LYST: variants seen among roughly 807,000 people sequenced by gnomAD.
LYST encodes lysosomal trafficking regulator.
A neutral mutation model predicts 413.6 loss-of-function variants in LYST; 192 were observed. The ratio of observed to expected loss-of-function variants is 0.46; its 90% CI spans 0.41 to 0.52. The LOEUF (loss-of-function observed/expected upper bound fraction) is 0.52. Among genes scored for constraint, LYST ranks in the 20% least tolerant of loss-of-function variants. The probability of loss-of-function intolerance (pLI) is 0.00; values close to 1 mark genes in which losing one functional copy is unlikely to be tolerated. For synonymous variants in LYST, 1,525 were observed against 1,567.3 expected (o/e 0.97, Z 0.64); for missense variants, 3,815 against 4,499.9 (o/e 0.85, Z 4.35).
chr1:235,738,829 T>C (rs750498413), intron 31 of LYST: 10 of 784,168 alleles, frequency 1.3e-5, no homozygotes, highest in African/African-American at 5.1e-5. Context: ...TCCACCATGA[T>C]TGGTGGAATA....
chr1:235,810,140 C>CT lies in LYST; in HGVS notation c.677dup (p.Ile227AspfsTer10). On this transcript the variant is annotated frameshift_variant, in exon 5 of 53. Coordinates refer to ENST00000389793, the MANE Select transcript of LYST (RefSeq NM_000081.4). LOFTEE classifies it high-confidence loss of function. Reference sequence around the variant, plus strand: ...TGTTTGACCCCTGTCTTGGAATAATCTCTCTGGAATTTTCCAAAGCCATAG... The same window carrying CT: ...TGTTTGACCCCTGTCTTGGAATAATCTTCTCTGGAATTTTCCAAAGCCATAG... 2 of 1,614,190 alleles carry CT rather than the reference C, an allele frequency of 1.2e-6. No individual in the cohort carries two copies. Among genetic ancestry groups the CT allele is most frequent in the Non-Finnish European group, 1.7e-6 (2 of 1,180,024 alleles).
Position 235,746,511 on chromosome 1 carries a change from G to C in LYST, c.7797C>G (p.Pro2599=). 2 of 1,613,238 alleles carry C rather than the reference G, an allele frequency of 1.2e-6. No individual in the cohort carries two copies. Among genetic ancestry groups the C allele is most frequent in the Middle Eastern group, 1.7e-4 (1 of 6,058 alleles). ...TCAGAAGCGATTCAGTTTGAGCAAGGGGAAATTTTCGAGGACCTTTAAAAG... is the reference window on the plus strand; with the variant it reads ...TCAGAAGCGATTCAGTTTGAGCAAGCGGAAATTTTCGAGGACCTTTAAAAG... The part of the protein sequence containing the change: ...RKSIAGPRKF[P]LAQTESLLMK... The change falls in exon 29 of 53, where the codon CCC becomes CCG. Residue 2599 remains proline (P), a synonymous_variant. Transcript: ENST00000389793.
At chr1:235,764,495 C>CTTTTTTTTTTTTTTTTTTTTTTTT (rs1020736833) in intron 21 of LYST, among the ~76,000 whole-genome samples, 7 of 97,946 alleles carry the variant, frequency 7.1e-5, no homozygotes, top group Admixed American at 1.0e-4. Context: ...TTTTTCTTTT[C>CTTTTTTTTTTTTTTTTTTTTTTTT]TTTTTTTTTT....
chr1:235,810,187 T>C lies in LYST; in HGVS notation c.631A>G (p.Lys211Glu), dbSNP rs1178893236. 6.2e-7 allele frequency: 1 copy of C among 1,614,022 alleles called. No homozygotes were observed. The highest frequency in any genetic ancestry group is 8.5e-7 in the Non-Finnish European group (1 of 1,179,992). ...PKAKLDRLAT[K>E]EQTPPDAMAL... ...ATAGCATCTGGAGGAGTCTGTTCTT[T>C]GGTTGCTAAGCGGTCAAGTTTAGCT... Residue 211 changes from lysine (K) to glutamate (E), a missense_variant, in exon 5 of 53, where the codon AAA (lysine) becomes GAA (glutamate). Coordinates refer to ENST00000389793, the MANE Select transcript of LYST (RefSeq NM_000081.4).
intron 1 of LYST, among the ~76,000 whole-genome samples, chr1:235,845,339 TC>T (rs1161149064): frequency 2.0e-5 from 3 of 152,018 alleles, no homozygotes; most frequent in African/African-American, 7.3e-5. Flanking sequence ...CCCTGGGAGC[TC>T]CCTGGGTCCT....
chr1:235,761,696 G>A (rs1053188967), intron 22 of LYST, among the ~76,000 whole-genome samples: 12 of 151,718 alleles, frequency 7.9e-5, no homozygotes, highest in Non-Finnish European at 1.2e-4. Flanking sequence ...AGTAACTGCT[G>A]AAGTTATTGG....
In LYST at chr1:235,854,433, T is replaced by A. The variant is rs1678926238; in HGVS notation, c.-98+12410A>T. The stretch of plus-strand genomic sequence containing the variant: ...CTCCAATAAGCCAGCTCTTCCTTCT[T>A]CATTCCTCTTTCAGTAAATGGCCTC... On this transcript the variant is annotated intron_variant, in intron 1 of 52. Transcript: ENST00000389793. The surrounding 1 kb of genome is among the most constrained non-coding windows in gnomAD (Gnocchi z 4.1). 1.3e-5 allele frequency among the ~76,000 whole-genome samples: 2 copies of A among 152,186 alleles called. No individual in the cohort carries two copies. The highest frequency in any genetic ancestry group is 2.9e-5 in the Non-Finnish European group (2 of 68,036).
intron 1 of LYST, among the ~76,000 whole-genome samples, chr1:235,862,806 A>AACAAAC (rs1249225236): frequency 4.9e-5 from 6 of 121,424 alleles, no homozygotes; most frequent in Admixed American, 2.4e-4. Flanking sequence ...AAAACAAACA[A>AACAAAC]ACACACACAC....
chr1:235,799,188 T>C (rs967424159), intron 10 of LYST, among the ~76,000 whole-genome samples: 6 of 152,086 alleles, frequency 3.9e-5, no homozygotes, highest in African/African-American at 7.2e-5. Flanking sequence ...AGTTAATAAA[T>C]GAAGGAATGA....
At chr1:235,749,422 TGA>T (rs1203438969) in intron 28 of LYST, among the ~76,000 whole-genome samples, 27 of 151,916 alleles carry the variant, frequency 1.8e-4, no homozygotes, top group Admixed American at 1.8e-3. Context: ...GAAGGATTCT[TGA>T]GAGAGACTTC....
At position 235,733,619 on chromosome 1, in the gene LYST, A is replaced by T; in HGVS notation, c.8685T>A (p.Ser2895=). The change falls in exon 34 of 53, where the codon TCT becomes TCA. Residue 2895 remains serine (S), a synonymous_variant. Transcript: ENST00000389793. ...TTTTTCTCTCATTTCCTTGGGAGAG[A>T]GACACTGCCTGGGTGATATCTGCAG... ...KIAADITQAV[S]LSQGNERKKV... is the part of the protein sequence containing the mutation. 1 of 1,613,772 alleles carries T rather than the reference A, an allele frequency of 6.2e-7. No individual in the cohort carries two copies. The highest frequency in any genetic ancestry group is 8.5e-7 in the Non-Finnish European group (1 of 1,179,770).
chr1:235,869,838 C>G (rs1680854625), upstream of LYST, among the ~76,000 whole-genome samples: 1 of 152,168 alleles, frequency 6.6e-6, no homozygotes, highest in Admixed American at 6.5e-5. Context: ...TTCTACTCTC[C>G]CATCACTACC....
intron 44 of LYST, 69 bp from the exon 45 acceptor site, chr1:235,703,046 G>T: frequency 8.9e-7 from 1 of 1,125,746 alleles, no homozygotes; most frequent in Non-Finnish European, 1.4e-6. Context: ...TAATACCAAA[G>T]GGAAAAACAA....
chr1:235,708,871 A>T (rs1416138120), intron 44 of LYST, among the ~76,000 whole-genome samples: 1 of 152,182 alleles, frequency 6.6e-6, no homozygotes, highest in African/African-American at 2.4e-5. Context: ...CTAGTGAATC[A>T]TCAAACCTGG....
At chr1:235,861,098 G>A (rs1679814042) in intron 1 of LYST, among the ~76,000 whole-genome samples, 1 of 152,098 alleles carries the variant, frequency 6.6e-6, no homozygotes, top group African/African-American at 2.4e-5. Context: ...ATGAGTGGCA[G>A]TAGTTTTATA....
chr1:235,744,816 C>T (rs139692264), intron 29 of LYST, among the ~76,000 whole-genome samples: 11 of 150,482 alleles, frequency 7.3e-5, no homozygotes, highest in Non-Finnish European at 1.3e-4. Flanking sequence ...GGGAGGATTG[C>T]TTGAGCCCAG....
chr1:235,708,505 G>A (rs1050689002), intron 44 of LYST, among the ~76,000 whole-genome samples: 2 of 152,270 alleles, frequency 1.3e-5, no homozygotes, highest in Admixed American at 1.3e-4. Flanking sequence ...TGATAAGAGT[G>A]GCTTACTGTG....
rs778834009 is a variant in LYST, at chr1:235,752,141, A to G, written c.7491T>C (p.Ala2497=). ...CTATGAAAAGTTGCTGTATATCACA[A>G]GCAAGCAATTTATATTCACTCATGG... ...NIPMSEYKLL[A]CDIQQLFIAV... The change falls in exon 27 of 53, where the codon GCT becomes GCC. Residue 2497 remains alanine, a synonymous_variant. Coordinates refer to ENST00000389793, the MANE Select transcript of LYST (RefSeq NM_000081.4). The G allele has an allele frequency of 1.2e-6, 2 of 1,611,722 alleles. No individual in the cohort carries two copies. Among genetic ancestry groups the G allele is most frequent in the South Asian group, 1.1e-5 (1 of 90,996 alleles).
At chr1:235,677,265 C>A in intron 49 of LYST, 77 bp from the exon 50 acceptor site, 1 of 1,229,570 alleles carries the variant, frequency 8.1e-7, no homozygotes, top group South Asian at 1.2e-5. Context: ...TTCTTCTTCT[C>A]AGTCTATGTA....
Sources: gnomAD v4.1 joint callset for allele counts (sites outside exome capture counted in the v4.1 genomes callset) on GRCh38, gnomAD v4.1.1 for gene constraint, Gnocchi (gnomAD v3.1) non-coding constraint, MANE v1.5 for transcripts, NCBI Gene and HGNC (gene_info 2026-07-23, HGNC 2026-07-21) for gene names.